The following LAMTOR5 variants were observed in gnomAD, a reference collection of about 807,000 sequenced individuals.
The protein encoded by LAMTOR5 is ragulator complex protein LAMTOR5.
LAMTOR5 carries 8 observed loss-of-function variants against 12.1 expected under a neutral mutation model. That is an observed-to-expected ratio of 0.66 (90% confidence interval 0.39 to 1.19). The LOEUF is 1.19. LAMTOR5 is among the 50% of genes most tolerant of loss of function. The pLI is 0.01. For synonymous variants in LAMTOR5, 37 were observed against 41.9 expected, an observed-to-expected ratio of 0.88 and a Z score of 0.45; for missense variants, 110 against 112.8, an observed-to-expected ratio of 0.97 and a Z score of 0.11.
intron 2 of LAMTOR5, among the ~76,000 whole-genome samples, chr1:110,404,603 C>T (rs149780961): frequency 6.6e-6 from 1 of 152,316 alleles, no homozygotes; most frequent in East Asian, 1.9e-4. Flanking sequence ...TTAGGAGCAA[C>T]AAGTCTTGGG....
intron 3 of LAMTOR5, among the ~76,000 whole-genome samples, chr1:110,402,311 C>T (rs1020293064): frequency 1.3e-5 from 2 of 152,034 alleles, no homozygotes; most frequent in Admixed American, 6.6e-5. Context: ...AGGGCAGTGG[C>T]GTGATCTCAG....
intron 2 of LAMTOR5, among the ~76,000 whole-genome samples, chr1:110,405,385 G>C (rs1663307151): frequency 6.6e-6 from 1 of 151,918 alleles, no homozygotes; most frequent in South Asian, 2.1e-4. Flanking sequence ...GGCTAGTCTC[G>C]AACTCCTGAC....
At chr1:110,406,731 A>T in intron 1 of LAMTOR5, 2 of 299,354 alleles carry the variant, frequency 6.7e-6, no homozygotes, top group African/African-American at 2.2e-5. Flanking sequence ...GGCTGAGGCA[A>T]GAGAATCGCT....
chr1:110,402,680 T>C (rs1372240642), intron 3 of LAMTOR5, among the ~76,000 whole-genome samples: 1 of 152,168 alleles, frequency 6.6e-6, no homozygotes, highest in African/African-American at 2.4e-5. Flanking sequence ...ACTCCATGCA[T>C]GTTACTGCCC....
chr1:110,404,810 G>A (rs952971886), intron 2 of LAMTOR5, among the ~76,000 whole-genome samples: 3 of 152,142 alleles, frequency 2.0e-5, no homozygotes, highest in Non-Finnish European at 4.4e-5. Flanking sequence ...CACTTTGGGA[G>A]GCGGAGGTGG....
At chr1:110,403,895 A>G in intron 3 of LAMTOR5, 24 bp downstream of exon 3, 1 of 1,610,974 alleles carries the variant, frequency 6.2e-7, no homozygotes, top group Non-Finnish European at 8.5e-7. Context: ...ACAAAAAGGA[A>G]AGGATCTGCT....
chr1:110,403,284 T>TTGGAA (rs1256062305), intron 3 of LAMTOR5, among the ~76,000 whole-genome samples: 2 of 152,200 alleles, frequency 1.3e-5, no homozygotes, highest in Admixed American at 1.3e-4. Context: ...GGACCATCAC[T>TTGGAA]TGGAATATCT....
At chr1:110,407,359 G>A (rs1418787103) in intron 1 of LAMTOR5, 5 of 621,394 alleles carry the variant, frequency 8.0e-6, no homozygotes, top group Non-Finnish European at 1.4e-5. Flanking sequence ...CCTGGGCCCG[G>A]GAGACTCGCT....
intron 2 of LAMTOR5, among the ~76,000 whole-genome samples, 160 bp from the exon 3 acceptor site, chr1:110,404,196 C>T (rs1407919466): frequency 3.3e-5 from 5 of 152,060 alleles, no homozygotes; most frequent in Non-Finnish European, 7.4e-5. Flanking sequence ...TACAAAAGTA[C>T]CTATAAATTC....
In LAMTOR5 at chr1:110,403,975, A is replaced by C. The variant is rs1309361356; in HGVS notation, c.159T>G (p.Ala53=). 12 of 1,614,236 alleles carry C rather than the reference A, an allele frequency of 7.4e-6. No individual in the cohort carries two copies. The highest frequency in any genetic ancestry group is 1.7e-5 in the Admixed American group (1 of 60,026). ...GVISVLAQQA[A]KLTSDPTDIP... ...TATCAGTGGGGTCAGAGGTTAGCTT[A>C]GCTGCTTGCTGGGCTAGAACAGATA... Residue 53 remains alanine, a synonymous_variant, in exon 3 of 4, where the codon GCT becomes GCG. Coordinates refer to ENST00000602318, the MANE Select transcript of LAMTOR5 (RefSeq NM_001382293.1).
intron 1 of LAMTOR5, chr1:110,406,767 T>G (rs960762477): frequency 8.5e-6 from 3 of 352,178 alleles, no homozygotes; most frequent in Non-Finnish European, 1.5e-5. Flanking sequence ...GAGGTTGCAG[T>G]GAGCCGAGAT....
At chr1:110,402,260 CTTT>C (rs1244005787) in intron 3 of LAMTOR5, among the ~76,000 whole-genome samples, 2 of 151,690 alleles carry the variant, frequency 1.3e-5, no homozygotes, top group Non-Finnish European at 2.9e-5. Flanking sequence ...TACTTTTTTT[CTTT>C]TTTTTGAGAC....
chr1:110,407,433 C>T, intron 1 of LAMTOR5, 153 bp downstream of exon 1: 1 of 976,292 alleles, frequency 1.0e-6, no homozygotes, highest in South Asian at 1.7e-5. Flanking sequence ...GCCCTGCGGC[C>T]TTGGGTAGAG....
chr1:110,406,765 A>C, intron 1 of LAMTOR5: 1 of 349,496 alleles, frequency 2.9e-6, no homozygotes. Context: ...CGGAGGTTGC[A>C]GTGAGCCGAG....
intron 3 of LAMTOR5, among the ~76,000 whole-genome samples, chr1:110,403,407 G>A (rs899953428): frequency 2.6e-5 from 4 of 151,990 alleles, no homozygotes; most frequent in South Asian, 2.1e-4. Context: ...CCAGGAGTTC[G>A]AGACCAGCCT....
chr1:110,407,664 C>A lies in LAMTOR5; in HGVS notation c.-44G>T, dbSNP rs369646534. The A allele has an allele frequency of 1.9e-6, 3 of 1,614,104 alleles. No individual in the cohort carries two copies. The highest frequency in any genetic ancestry group is 2.5e-6 in the Non-Finnish European group (3 of 1,180,046). On this transcript the variant is annotated 5_prime_UTR_variant, in exon 1 of 4. Transcript: ENST00000602318. Reference sequence around the variant, plus strand: ...CGGCTCAGAACCCAGCGGCACGGCACGTCCTTCTCCACCACAGGCCTCAGT... The same window carrying A: ...CGGCTCAGAACCCAGCGGCACGGCAAGTCCTTCTCCACCACAGGCCTCAGT...
At chr1:110,406,416 T>C in intron 1 of LAMTOR5, 37 bp from the exon 2 acceptor site, 1 of 1,479,488 alleles carries the variant, frequency 6.8e-7, no homozygotes, top group Non-Finnish European at 9.4e-7. Context: ...AAGTACATAA[T>C]GGGAGAAAAA....
rs149469280 is a variant in LAMTOR5, at chr1:110,402,394, G to A, written c.216-811C>T. Among the ~76,000 whole-genome samples the A allele has an allele frequency of 8.5e-3, 1,297 of 152,170 alleles. 18 individuals carry two copies. Among genetic ancestry groups the A allele is most frequent in the African/African-American group, 0.03 (1,230 of 41,492 alleles). On this transcript the variant is annotated intron_variant, in intron 3 of 3. Transcript: ENST00000602318. Reference sequence around the variant, plus strand: ...GCCTCCTGAGTAGCTAGGATTACAGGTGCCTGCCACCATGCCTAATTTTTG... The same window carrying A: ...GCCTCCTGAGTAGCTAGGATTACAGATGCCTGCCACCATGCCTAATTTTTG...
chr1:110,407,165 T>C, intron 1 of LAMTOR5: 1 of 610,748 alleles, frequency 1.6e-6, no homozygotes, highest in Admixed American at 2.7e-5. Flanking sequence ...GATTTTTATC[T>C]ACTTAAGCAC....
Sources: allele counts gnomAD v4.1 joint callset (sites outside exome capture counted in the v4.1 genomes callset), GRCh38; gene constraint gnomAD v4.1.1; transcripts MANE v1.5; gene names NCBI Gene and HGNC (gene_info 2026-07-23, HGNC 2026-07-21).